Variants in RFC3 observed in about 807,000 individuals in gnomAD.
The protein encoded by RFC3 is A1 38 kDa subunit.
Under a neutral mutation model 45.1 loss-of-function variants are expected in RFC3, and 41 were observed. The ratio of observed to expected loss-of-function variants is 0.91; its 90% CI spans 0.71 to 1.18. RFC3 has a LOEUF of 1.18. RFC3 is among the 50% of genes most tolerant of loss of function. The pLI is 0.00. For missense variants in RFC3, 423 were observed against 428.1 expected (o/e 0.99, Z 0.10); for synonymous variants, 149 against 144.0 (o/e 1.03, Z -0.25).
At position 33,835,139 on chromosome 13, in the gene RFC3, T is replaced by C; in HGVS notation, c.810-9T>C. ...CTTCACAAAATACCAATTATTTTGT[T>C]TTATGTAGGCTCCTTGAAGTTCGTG... On this transcript the variant is annotated splice_polypyrimidine_tract_variant and intron_variant, in intron 7 of 8. Coordinates refer to ENST00000380071, the MANE Select transcript of RFC3 (RefSeq NM_002915.4). The C allele has an allele frequency of 6.3e-7, 1 of 1,580,018 alleles. No individual in the cohort carries two copies. The highest frequency in any genetic ancestry group is 8.7e-7 in the Non-Finnish European group (1 of 1,155,472).
At chr13:33,921,162 T>C (rs1420564820) in intron 8 of RFC3, among the ~76,000 whole-genome samples, 1 of 152,196 alleles carries the variant, frequency 6.6e-6, no homozygotes, top group African/African-American at 2.4e-5. Flanking sequence ...TTCCCTGTGC[T>C]AGACTAACTG....
intron 2 of RFC3, among the ~76,000 whole-genome samples, chr13:33,821,659 G>C (rs2082005020): frequency 6.6e-6 from 1 of 152,154 alleles, no homozygotes; most frequent in South Asian, 2.1e-4. Flanking sequence ...AAGTGACTTG[G>C]TAAAGAGTGG....
intron 8 of RFC3, among the ~76,000 whole-genome samples, chr13:33,962,496 T>C (rs1307643753): frequency 1.3e-5 from 2 of 152,158 alleles, no homozygotes; most frequent in Admixed American, 1.3e-4. Flanking sequence ...AGAATAAATG[T>C]TGAGAGTCTG....
chr13:33,934,338 T>C (rs9570615), intron 8 of RFC3, among the ~76,000 whole-genome samples: 38,896 of 151,306 alleles, frequency 0.26, 7,445 homozygotes, highest in African/African-American at 0.52. Flanking sequence ...GTCTCAAAAA[T>C]GAAAACAAAA....
intron 8 of RFC3, among the ~76,000 whole-genome samples, chr13:33,851,495 G>A (rs1470800971): frequency 6.6e-6 from 1 of 152,058 alleles, no homozygotes; most frequent in Non-Finnish European, 1.5e-5. Context: ...AGAAGGTCCT[G>A]AGGAAGAAAA....
chr13:33,958,260 G>C (rs575122270), intron 8 of RFC3, among the ~76,000 whole-genome samples: 31 of 152,320 alleles, frequency 2.0e-4, no homozygotes, highest in Non-Finnish European at 3.8e-4. Flanking sequence ...AAGTACAAAG[G>C]CCTTGAGGTG....
intron 8 of RFC3, among the ~76,000 whole-genome samples, chr13:33,852,358 G>A (rs1323112455): frequency 1.3e-5 from 2 of 152,116 alleles, no homozygotes; most frequent in Non-Finnish European, 2.9e-5. Context: ...AAGTAGTCAG[G>A]CTTCTTGCCT....
At chr13:33,833,885 A>G (rs552232476) in intron 7 of RFC3, among the ~76,000 whole-genome samples, 2 of 152,188 alleles carry the variant, frequency 1.3e-5, no homozygotes, top group Admixed American at 1.3e-4. Context: ...AAAGAGCATC[A>G]TTGTTGTGGG....
chr13:33,831,430 A>T (rs2082103208), intron 7 of RFC3, 76 bp downstream of exon 7: 1 of 759,152 alleles, frequency 1.3e-6, no homozygotes, highest in African/African-American at 1.8e-5. Flanking sequence ...ATTTTATGCT[A>T]ATGTCATTTT....
Position 33,941,349 on chromosome 13 carries a change from C to T in RFC3, c.880-24738C>T, listed in dbSNP as rs115685311. Among the ~76,000 whole-genome samples the T allele has an allele frequency of 8.2e-3, 1,242 of 152,146 alleles. 15 individuals are homozygous for T. Among genetic ancestry groups the T allele is most frequent in the African/African-American group, 0.027 (1,139 of 41,496 alleles). ...GAACCTGGTTTTTTCTACAACACTGCCACCCTTTATTCCTTCTTGCATTTT... is the reference window on the plus strand; with the variant it reads ...GAACCTGGTTTTTTCTACAACACTGTCACCCTTTATTCCTTCTTGCATTTT... On this transcript the variant is annotated intron_variant, in intron 8 of 8. Coordinates refer to the RFC3 transcript ENST00000434425.
At position 33,829,849 on chromosome 13, in the gene RFC3, A is replaced by C; in HGVS notation, c.405A>C (p.Thr135=). 6.2e-7 allele frequency: 1 copy of C among 1,613,988 alleles called. No homozygotes were observed. The highest frequency in any genetic ancestry group is 2.2e-5 in the East Asian group (1 of 44,884). ...SQRDFKVVLL[T]EVDKLTKDAQ... is the part of the protein sequence containing the mutation. ...TCTTTGACTCAGTGGTATTATTGACAGAAGTTGACAAACTCACCAAAGATG... is the reference window on the plus strand; with the variant it reads ...TCTTTGACTCAGTGGTATTATTGACCGAAGTTGACAAACTCACCAAAGATG... Residue 135 remains threonine, a synonymous_variant, in exon 5 of 9, where the codon ACA becomes ACC. Transcript: ENST00000380071.
intron 8 of RFC3, chr13:33,966,052 TA>T: frequency 6.6e-7 from 1 of 1,523,878 alleles, no homozygotes; most frequent in Non-Finnish European, 9.1e-7. Context: ...GGGTCTGTGA[TA>T]AACAATTGAT....
intron 8 of RFC3, among the ~76,000 whole-genome samples, chr13:33,946,282 C>T (rs2082954052): frequency 1.3e-5 from 2 of 152,156 alleles, no homozygotes; most frequent in South Asian, 4.1e-4. Flanking sequence ...CCAGCTCAAC[C>T]ATTGTCAAGA....
chr13:33,924,577 T>C (rs2082790096), intron 8 of RFC3, among the ~76,000 whole-genome samples: 1 of 151,226 alleles, frequency 6.6e-6, no homozygotes, highest in Non-Finnish European at 1.5e-5. Context: ...ATCAGCAAGA[T>C]GAACAGATAA....
At chr13:33,869,764 C>A (rs916737523) in intron 8 of RFC3, among the ~76,000 whole-genome samples, 1 of 152,062 alleles carries the variant, frequency 6.6e-6, no homozygotes, top group African/African-American at 2.4e-5. Flanking sequence ...TTTCACATTG[C>A]GAGAGTTAAT....
At chr13:33,918,144 T>G (rs1221540531) in intron 8 of RFC3, among the ~76,000 whole-genome samples, 1 of 152,186 alleles carries the variant, frequency 6.6e-6, no homozygotes. Flanking sequence ...ACCTAGGTCC[T>G]TGTGGCTCTG....
intron 8 of RFC3, among the ~76,000 whole-genome samples, chr13:33,852,279 T>C (rs2082281259): frequency 6.6e-6 from 1 of 152,200 alleles, no homozygotes. Flanking sequence ...ATTCTCATCT[T>C]TGAGAAGAAT....
At chr13:33,868,055 G>C (rs1418845774) in intron 8 of RFC3, among the ~76,000 whole-genome samples, 1 of 152,150 alleles carries the variant, frequency 6.6e-6, no homozygotes, top group African/African-American at 2.4e-5. Context: ...CAAGGCTTAG[G>C]GTTGCCTTCC....
At chr13:33,902,954 A>G (rs2082650871) in intron 8 of RFC3, among the ~76,000 whole-genome samples, 1 of 152,094 alleles carries the variant, frequency 6.6e-6, no homozygotes, top group Non-Finnish European at 1.5e-5. Context: ...TAATGTTTTA[A>G]GAAAATTTAT....
Sources: gnomAD v4.1 joint callset for allele counts (sites outside exome capture counted in the v4.1 genomes callset) on GRCh38, gnomAD v4.1.1 for gene constraint, MANE v1.5 for transcripts, NCBI Gene and HGNC (gene_info 2026-07-23, HGNC 2026-07-21) for gene names.